The following PDE4D variants were observed in gnomAD, a reference collection of about 807,000 sequenced individuals.
PDE4D encodes the protein phosphodiesterase 4D.
Under a neutral mutation model 87.4 loss-of-function variants are expected in PDE4D, and 24 were observed. That is an observed-to-expected ratio of 0.27 (90% CI 0.20 to 0.39). The LOEUF (loss-of-function observed/expected upper bound fraction) is 0.39. PDE4D is among the 10% of genes least tolerant of loss of function. PDE4D has a pLI of 1.00. For synonymous variants in PDE4D, 384 were observed against 383.2 expected (o/e 1.00, Z -0.02); for missense variants, 714 against 1,041.0 (o/e 0.69, Z 4.32).
At chr5:59,814,992 G>A (rs1354271944) in intron 1 of PDE4D, among the ~76,000 whole-genome samples, 1 of 152,168 alleles carries the variant, frequency 6.6e-6, no homozygotes, top group Non-Finnish European at 1.5e-5. Context: ...TTTTTGCACA[G>A]AGTCTGGCTA....
chr5:59,413,394 C>T (rs914802834), intron 1 of PDE4D, among the ~76,000 whole-genome samples: 1 of 139,710 alleles, frequency 7.2e-6, no homozygotes, highest in African/African-American at 2.7e-5. Flanking sequence ...GGAGGCAGAG[C>T]TTGCAGTGAG....
At chr5:60,362,151 G>A (rs1760129362) in intron 1 of PDE4D, among the ~76,000 whole-genome samples, 1 of 152,200 alleles carries the variant, frequency 6.6e-6, no homozygotes, top group African/African-American at 2.4e-5. Context: ...TCTTGTTGAG[G>A]AGATTATACT....
chr5:60,231,644 T>C (rs111271621), intron 1 of PDE4D, among the ~76,000 whole-genome samples: 1 of 151,962 alleles, frequency 6.6e-6, no homozygotes, highest in East Asian at 1.9e-4. Flanking sequence ...TAACTGAAAA[T>C]TCTATGAAAA....
chr5:59,574,734 A>G (rs892222078), intron 1 of PDE4D, among the ~76,000 whole-genome samples: 8 of 152,154 alleles, frequency 5.3e-5, no homozygotes, highest in East Asian at 3.9e-4. Context: ...AAAGTCTTGC[A>G]GTTATTTCTG....
At chr5:59,420,413 A>T (rs1351090861) in intron 1 of PDE4D, among the ~76,000 whole-genome samples, 6 of 152,190 alleles carry the variant, frequency 3.9e-5, no homozygotes, top group African/African-American at 1.4e-4. Flanking sequence ...TACTGAAGTC[A>T]GAGACAACAG....
intron 1 of PDE4D, among the ~76,000 whole-genome samples, chr5:60,419,898 G>A (rs189512980): frequency 2.0e-5 from 3 of 152,288 alleles, no homozygotes; most frequent in Admixed American, 6.5e-5. Flanking sequence ...AAAAAGAGCT[G>A]GAGTCTGAGG....
At chr5:59,452,301 A>G (rs1305038639) in intron 1 of PDE4D, among the ~76,000 whole-genome samples, 2 of 152,168 alleles carry the variant, frequency 1.3e-5, no homozygotes, top group African/African-American at 4.8e-5. Flanking sequence ...CACTCCTATC[A>G]AGGCTTTATC....
At chr5:59,873,204 T>G (rs558434937) in intron 1 of PDE4D, among the ~76,000 whole-genome samples, 2 of 152,342 alleles carry the variant, frequency 1.3e-5, no homozygotes, top group East Asian at 3.9e-4. Context: ...TTCTGAAAAT[T>G]TAAGCAGAGA....
chr5:60,248,819 TC>T (rs1748091068), intron 1 of PDE4D, among the ~76,000 whole-genome samples: 1 of 151,984 alleles, frequency 6.6e-6, no homozygotes, highest in Admixed American at 6.6e-5. Context: ...CTCTTTACAT[TC>T]AGTGCTCCAA....
At chr5:59,460,750 T>C (rs1375430912) in intron 1 of PDE4D, among the ~76,000 whole-genome samples, 8 of 152,126 alleles carry the variant, frequency 5.3e-5, no homozygotes, top group Admixed American at 3.3e-4. Flanking sequence ...CTATAAAGAG[T>C]TGACATCTAA....
At chr5:59,892,802 T>C (rs992631248) in intron 1 of PDE4D, among the ~76,000 whole-genome samples, 2 of 151,716 alleles carry the variant, frequency 1.3e-5, no homozygotes, top group African/African-American at 2.4e-5. Context: ...CAGAGCAAAC[T>C]GATTTTGCCT....
At chr5:59,022,100 T>C (rs189795946) in intron 6 of PDE4D, among the ~76,000 whole-genome samples, 1 of 152,302 alleles carries the variant, frequency 6.6e-6, no homozygotes, top group Admixed American at 6.5e-5. Flanking sequence ...TAAATCGCTC[T>C]CCAGTCAGCT....
intron 5 of PDE4D, among the ~76,000 whole-genome samples, chr5:59,104,050 C>T (rs887793729): frequency 5.3e-5 from 8 of 152,138 alleles, no homozygotes; most frequent in African/African-American, 1.9e-4. Context: ...CTATATAGAA[C>T]CTCAAAAATG....
chr5:59,575,269 C>T (rs1822947359), intron 1 of PDE4D, among the ~76,000 whole-genome samples: 1 of 152,078 alleles, frequency 6.6e-6, no homozygotes, highest in Non-Finnish European at 1.5e-5. Context: ...ACATCATGTA[C>T]TGTGATGAAA....
chr5:59,676,684 C>T (rs776122684), intron 1 of PDE4D, among the ~76,000 whole-genome samples: 4 of 152,196 alleles, frequency 2.6e-5, no homozygotes, highest in South Asian at 2.1e-4. Context: ...TAAATTGATA[C>T]ATAATAATTG....
chr5:59,782,835 A>G (rs1241547188), intron 1 of PDE4D, among the ~76,000 whole-genome samples: 1 of 152,244 alleles, frequency 6.6e-6, no homozygotes, highest in Non-Finnish European at 1.5e-5. Flanking sequence ...AATAAAGACC[A>G]GCAATGAAAG....
intron 1 of PDE4D, among the ~76,000 whole-genome samples, chr5:59,535,079 G>A (rs113130243): frequency 1.2e-5 from 1 of 83,116 alleles, no homozygotes. Flanking sequence ...GTGTGTGTGG[G>A]GGGGGGGTCC....
chr5:59,603,582 T>C (rs909962809), intron 1 of PDE4D, among the ~76,000 whole-genome samples: 1 of 152,020 alleles, frequency 6.6e-6, no homozygotes. Context: ...TAAAAAATAG[T>C]ATGGAGGTTC....
intron 1 of PDE4D, among the ~76,000 whole-genome samples, chr5:59,246,792 C>T (rs1452811557): frequency 6.6e-6 from 1 of 152,112 alleles, no homozygotes; most frequent in African/African-American, 2.4e-5. Flanking sequence ...GGAATCATTG[C>T]AATTTTTATA....
Sources: gnomAD v4.1 joint callset for allele counts (sites outside exome capture counted in the v4.1 genomes callset) on GRCh38, gnomAD v4.1.1 for gene constraint, MANE v1.5 for transcripts, NCBI Gene and HGNC (gene_info 2026-07-23, HGNC 2026-07-21) for gene names.